The following MATN2 variants were observed in gnomAD, a reference collection of about 807,000 sequenced individuals.
MATN2 encodes matrilin-2.
Under a neutral mutation model 103.2 loss-of-function variants are expected in MATN2, and 69 were observed. The observed-to-expected ratio is 0.67, with a 90% CI of 0.55 to 0.82. The LOEUF is 0.82. Ranked by LOEUF, MATN2 falls within the 40% of genes least tolerant of loss-of-function variation. The pLI is 0.00. For synonymous variants in MATN2, 429 were observed against 450.2 expected (o/e 0.95, Z 0.60); for missense variants, 1,023 against 1,211.5 (o/e 0.84, Z 2.31).
intron 7 of MATN2, among the ~76,000 whole-genome samples, chr8:97,996,755 A>G (rs371757242): frequency 1.7e-3 from 259 of 152,262 alleles, no homozygotes; most frequent in African/African-American, 5.9e-3. Context: ...CATTATGTGG[A>G]TGAAGGAAGC....
At position 97,958,348 on chromosome 8, in the gene MATN2, C is replaced by T. The variant is rs140911941; in HGVS notation, c.836-3060C>T. On this transcript the variant is annotated intron_variant, in intron 4 of 18. Coordinates refer to ENST00000254898, the MANE Select transcript of MATN2 (RefSeq NM_002380.5). ...TGCTGCCACCCTTCCAGAGCTGGTT[C>T]CAGCATGCTGGAGCGTCACCTCCCA... 6.0e-3 allele frequency among the ~76,000 whole-genome samples: 915 copies of T among 152,322 alleles called. 6 individuals carry two copies. The highest frequency in any genetic ancestry group is 0.016 in the South Asian group (76 of 4,820).
chr8:97,999,912 A>G (rs1486406044), intron 7 of MATN2, among the ~76,000 whole-genome samples: 1 of 142,680 alleles, frequency 7.0e-6, no homozygotes, highest in Non-Finnish European at 1.5e-5. Context: ...ACGGAATCTC[A>G]CTCTGTCACC....
At chr8:98,014,524 A>C (rs189864269) in intron 10 of MATN2, among the ~76,000 whole-genome samples, 10 of 152,368 alleles carry the variant, frequency 6.6e-5, no homozygotes, top group African/African-American at 2.2e-4. Context: ...GCAGTTATCA[A>C]ACTTTTCCCA....
intron 13 of MATN2, among the ~76,000 whole-genome samples, chr8:98,022,516 G>GA (rs1005659295): frequency 1.8e-4 from 27 of 152,118 alleles, no homozygotes; most frequent in Middle Eastern, 3.4e-3. Context: ...ATGTTAAGCA[G>GA]AAAAAAATTA....
intron 2 of MATN2, among the ~76,000 whole-genome samples, chr8:97,905,675 T>G (rs897816293): frequency 6.6e-6 from 1 of 152,172 alleles, no homozygotes; most frequent in Non-Finnish European, 1.5e-5. Context: ...GTTTTTTGTT[T>G]TTTTGAGACA....
chr8:97,942,999 C>T lies in MATN2; in HGVS notation c.835+1100C>T, dbSNP rs372657201. Among the ~76,000 whole-genome samples the T allele has an allele frequency of 1.5e-4, 23 of 152,066 alleles. No individual in the cohort carries two copies. In the East Asian group the frequency reaches 3.3e-3, roughly 22 times the overall value. The stretch of plus-strand genomic sequence containing the variant: ...CTCTGAATCGCAGGGGTGGGGTGGG[C>T]GGTATGTGTTCTTAGCCTCCTCTAA... On this transcript the variant is annotated intron_variant, in intron 4 of 18. Coordinates refer to ENST00000254898, the MANE Select transcript of MATN2 (RefSeq NM_002380.5).
chr8:97,976,233 C>T (rs1397738113), intron 5 of MATN2, among the ~76,000 whole-genome samples: 4 of 152,176 alleles, frequency 2.6e-5, no homozygotes, highest in South Asian at 4.1e-4. Context: ...CTCAGCCTTC[C>T]GAGTAGCTGG....
At chr8:98,006,121 A>G (rs1277128407) in intron 8 of MATN2, among the ~76,000 whole-genome samples, 1 of 152,228 alleles carries the variant, frequency 6.6e-6, no homozygotes, top group Non-Finnish European at 1.5e-5. Context: ...CTGTGTGTTC[A>G]TTAGCCTTCG....
chr8:97,936,989 G>A (rs566997904), intron 3 of MATN2, among the ~76,000 whole-genome samples: 1 of 152,292 alleles, frequency 6.6e-6, no homozygotes, highest in African/African-American at 2.4e-5. Context: ...ATGGAAATAA[G>A]GATGGCAGTT....
intron 2 of MATN2, among the ~76,000 whole-genome samples, chr8:97,919,456 T>C (rs1287297812): frequency 6.6e-6 from 1 of 152,186 alleles, no homozygotes; most frequent in Non-Finnish European, 1.5e-5. Flanking sequence ...GGTCTCGAAC[T>C]CTTGACCTCA....
At chr8:97,889,453 C>CTATATATATATATA in intron 2 of MATN2, among the ~76,000 whole-genome samples, 2 of 45,890 alleles carry the variant, frequency 4.4e-5, no homozygotes. Flanking sequence ...CTCTCTCTCT[C>CTATATATATATATA]TCTGTCTATA....
At chr8:97,886,884 T>C (rs1346453487) in intron 1 of MATN2, among the ~76,000 whole-genome samples, 8 of 151,926 alleles carry the variant, frequency 5.3e-5, no homozygotes, top group African/African-American at 1.9e-4. Flanking sequence ...CTGCTAGTCC[T>C]GGGTTTGAAT....
At position 98,007,484 on chromosome 8, in the gene MATN2, G is replaced by C. The variant is rs572016242; in HGVS notation, c.1456G>C (p.Asp486His). ...CCTGGCTTTTGGTTTTGCAGGGGTG[G>C]ATTACTGCCTGCTGAGTGACCATGG... ...NEDLKTCSRVDYCLLSDHGCE... is the reference protein window; with the variant it reads ...NEDLKTCSRVHYCLLSDHGCE... The change falls in exon 10 of 19, where the codon GAT becomes CAT. Residue 486 changes from aspartate to histidine, a missense_variant. Asp to His is a moderately conservative substitution (Grantham distance 81, BLOSUM62 -1). Coordinates refer to ENST00000254898, the MANE Select transcript of MATN2 (RefSeq NM_002380.5). The surrounding 1 kb of genome is among the most constrained non-coding windows in gnomAD (Gnocchi z 4.2). 1.2e-6 allele frequency: 2 copies of C among 1,611,650 alleles called. No individual in the cohort carries two copies. Among genetic ancestry groups the C allele is most frequent in the African/African-American group, 1.3e-5 (1 of 75,020 alleles).
intron 2 of MATN2, among the ~76,000 whole-genome samples, chr8:97,894,431 C>T (rs1428564268): frequency 6.6e-6 from 1 of 150,984 alleles, no homozygotes; most frequent in East Asian, 2.0e-4. Context: ...AGCGATCCTC[C>T]CAAGTCAGCT....
chr8:97,958,282 A>G (rs926660901), intron 4 of MATN2, among the ~76,000 whole-genome samples: 3 of 152,244 alleles, frequency 2.0e-5, no homozygotes, highest in African/African-American at 7.2e-5. Flanking sequence ...GGGGCAAGGC[A>G]GCATCTGCAG....
At chr8:97,947,209 T>C (rs1374065632) in intron 4 of MATN2, among the ~76,000 whole-genome samples, 1 of 152,158 alleles carries the variant, frequency 6.6e-6, no homozygotes, top group Non-Finnish European at 1.5e-5. Context: ...CTGTCTCTAC[T>C]AAAAATACAA....
intron 2 of MATN2, among the ~76,000 whole-genome samples, chr8:97,891,713 A>G (rs1487885898): frequency 6.6e-6 from 1 of 152,210 alleles, no homozygotes; most frequent in Non-Finnish European, 1.5e-5. Context: ...AGCTTTGTTT[A>G]TGTGGGTTAG....
In MATN2 at chr8:98,029,608, G is replaced by T. The variant is rs140429815; in HGVS notation, c.2357-854G>T. On this transcript the variant is annotated intron_variant, in intron 14 of 18. Transcript: ENST00000254898. Reference sequence around the variant, plus strand: ...TCGTGCATAAAATCACTGGGCTCCCGGACAAATATGCTGAACTTGGTTAGT... The same window carrying T: ...TCGTGCATAAAATCACTGGGCTCCCTGACAAATATGCTGAACTTGGTTAGT... 1.1e-3 allele frequency among the ~76,000 whole-genome samples: 166 copies of T among 152,250 alleles called. 1 individual carries two copies. The highest frequency in any genetic ancestry group is 3.8e-3 in the African/African-American group (158 of 41,530).
chr8:97,881,845 T>C (rs1439512424), intron 1 of MATN2, among the ~76,000 whole-genome samples: 1 of 152,088 alleles, frequency 6.6e-6, no homozygotes. Context: ...TGTCTGGTAC[T>C]GATATTGCCA....
Sources: gnomAD v4.1 joint callset for allele counts (sites outside exome capture counted in the v4.1 genomes callset) on GRCh38, gnomAD v4.1.1 for gene constraint, Gnocchi (gnomAD v3.1) non-coding constraint, MANE v1.5 for transcripts, NCBI Gene and HGNC (gene_info 2026-07-23, HGNC 2026-07-21) for gene names.